MAPK6: variants seen among roughly 807,000 people sequenced by gnomAD.
MAPK6 encodes the protein ERK-3.
Under a neutral mutation model 59.3 loss-of-function variants are expected in MAPK6, and 19 were observed. The observed-to-expected ratio is 0.32, with a 90% CI of 0.22 to 0.47. MAPK6 has a LOEUF of 0.47. Ranked by LOEUF, MAPK6 falls within the 20% of genes least tolerant of loss-of-function variation. The pLI is 1.00. For missense variants in MAPK6, 724 were observed against 847.9 expected (o/e 0.85, Z 1.81); for synonymous variants, 316 against 290.3 (o/e 1.09, Z -0.90).
Position 51,977,582 on chromosome 15 carries a change from C to T in MAPK6, c.-879-5624C>T, listed in dbSNP as rs531276151. On this transcript the variant is annotated intron_variant, in intron 1 of 7. Coordinates refer to the MAPK6 transcript ENST00000691380. ...ACAAAGTCTCCCTCTGTCACCCAGG[C>T]TGGAGGTCAAGTGGTGTGATTACAG... is the stretch of plus-strand genomic sequence containing the variant. 4.1e-3 allele frequency among the ~76,000 whole-genome samples: 619 copies of T among 152,002 alleles called. 13 individuals carry two copies. The highest frequency in any genetic ancestry group is 7.0e-3 in the Non-Finnish European group (476 of 67,956).
chr15:52,008,507 G>A (rs1164583532), intron 3 of MAPK6, among the ~76,000 whole-genome samples: 1 of 152,170 alleles, frequency 6.6e-6, no homozygotes, highest in Non-Finnish European at 1.5e-5. Flanking sequence ...GTGCACATGG[G>A]TCATGGAGAA....
chr15:52,054,330 T>A (rs1359514997), intron 3 of MAPK6, among the ~76,000 whole-genome samples: 1 of 126,414 alleles, frequency 7.9e-6, no homozygotes, highest in Non-Finnish European at 1.6e-5. Flanking sequence ...ATCTTGCCAC[T>A]GCACTCCAGC....
intron 3 of MAPK6, among the ~76,000 whole-genome samples, chr15:52,006,719 G>A (rs1276277987): frequency 6.6e-6 from 1 of 152,124 alleles, no homozygotes; most frequent in African/African-American, 2.4e-5. Flanking sequence ...AGTTCTTCAA[G>A]CAGCAAATCT....
chr15:52,056,460 C>CTTAA (rs2031987072), intron 3 of MAPK6, among the ~76,000 whole-genome samples: 1 of 151,888 alleles, frequency 6.6e-6, no homozygotes, highest in Non-Finnish European at 1.5e-5. Context: ...CCTTGCTGCT[C>CTTAA]TTAATTCCTC....
rs754545662 is a variant in MAPK6, at chr15:52,046,826, C to T, written c.366C>T (p.Gly122=). ...ETDLANVLEQ[G]PLLEEHARLF... ...ACTTGGCTAATGTGCTGGAGCAGGG[C>T]CCTTTACTGGAAGAGCATGCCAGGC... Residue 122 remains glycine, a synonymous_variant, in exon 2 of 6, where the codon GGC becomes GGT. Transcript: ENST00000261845. The T allele has an allele frequency of 6.2e-7, 1 of 1,613,736 alleles. No individual in the cohort carries two copies. The highest frequency in any genetic ancestry group is 8.5e-7 in the Non-Finnish European group (1 of 1,179,814).
chr15:52,038,091 G>A (rs182512857), intron 1 of MAPK6, among the ~76,000 whole-genome samples: 15 of 151,916 alleles, frequency 9.9e-5, no homozygotes, highest in Admixed American at 9.8e-4. Flanking sequence ...ATGTTAGATA[G>A]GGAGGAATCC....
intron 1 of MAPK6, among the ~76,000 whole-genome samples, chr15:52,035,148 C>G (rs1047545382): frequency 1.3e-5 from 2 of 152,210 alleles, no homozygotes; most frequent in African/African-American, 2.4e-5. Flanking sequence ...TGCCCTAATT[C>G]TTTGACTCGG....
intron 1 of MAPK6, among the ~76,000 whole-genome samples, chr15:52,025,760 T>G (rs2030748521): frequency 6.6e-6 from 1 of 152,002 alleles, no homozygotes; most frequent in Non-Finnish European, 1.5e-5. Context: ...TGCACTCCAG[T>G]CTGGGTGACA....
At chr15:51,979,214 A>T (rs2057165908) in intron 1 of MAPK6, among the ~76,000 whole-genome samples, 1 of 119,700 alleles carries the variant, frequency 8.4e-6, no homozygotes, top group Admixed American at 9.2e-5. Flanking sequence ...GAAAGAAGAA[A>T]GAAAAAAAGA....
rs2032317061 is a variant in MAPK6, at chr15:52,064,169, C to T, written c.1335C>T (p.Asn445=). ...YCDLECSHTC[N]YKTRSSSYLD... ...ATCTGGAGTGTAGCCATACTTGTAA[C>T]TACAAAACGAGGTCATCATCATATT... is the stretch of plus-strand genomic sequence containing the variant. Residue 445 remains asparagine, a synonymous_variant, in exon 6 of 6, where the codon AAC becomes AAT. Transcript: ENST00000261845. 1.2e-6 allele frequency: 2 copies of T among 1,613,108 alleles called. No individual in the cohort carries two copies. The highest frequency in any genetic ancestry group is 1.7e-6 in the Non-Finnish European group (2 of 1,179,720).
At chr15:51,973,202 G>A (rs984812062) in intron 1 of MAPK6, among the ~76,000 whole-genome samples, 7 of 151,874 alleles carry the variant, frequency 4.6e-5, no homozygotes, top group Admixed American at 4.6e-4. Context: ...CAATCCTAGA[G>A]CTTTTGTGTA....
At chr15:52,040,466 G>A (rs751043615) in intron 1 of MAPK6, among the ~76,000 whole-genome samples, 9 of 152,232 alleles carry the variant, frequency 5.9e-5, no homozygotes, top group Admixed American at 3.3e-4. Flanking sequence ...CAGCAGAGCA[G>A]AAGGTTGAGG....
At chr15:51,982,628 A>G (rs1378120152) in intron 1 of MAPK6, among the ~76,000 whole-genome samples, 1 of 152,220 alleles carries the variant, frequency 6.6e-6, no homozygotes, top group Non-Finnish European at 1.5e-5. Context: ...GATAGCAATC[A>G]AAACACTTCT....
intron 1 of MAPK6, among the ~76,000 whole-genome samples, chr15:52,032,839 C>T (rs1334007101): frequency 1.3e-5 from 2 of 152,196 alleles, no homozygotes; most frequent in African/African-American, 2.4e-5. Flanking sequence ...CATGCGCCAC[C>T]ACACCCAGCT....
intron 3 of MAPK6, among the ~76,000 whole-genome samples, chr15:52,053,149 T>C (rs1386801070): frequency 1.4e-5 from 2 of 147,540 alleles, no homozygotes; most frequent in African/African-American, 5.0e-5. Flanking sequence ...CTTGGCTCAC[T>C]GCAACCACTG....
intron 1 of MAPK6, among the ~76,000 whole-genome samples, chr15:52,045,298 C>T (rs577914510): frequency 6.7e-4 from 102 of 152,284 alleles, no homozygotes; most frequent in African/African-American, 2.4e-3. Flanking sequence ...CTATCAGTCA[C>T]ATTAAATACC....
chr15:52,020,266 C>G (rs1800677441), intron 1 of MAPK6, among the ~76,000 whole-genome samples: 1 of 152,128 alleles, frequency 6.6e-6, no homozygotes, highest in African/African-American at 2.4e-5. Context: ...GAGTGTAGGA[C>G]CCAACCGGTT....
At chr15:52,048,147 TTTTA>T (rs1171782108) in intron 2 of MAPK6, among the ~76,000 whole-genome samples, 3 of 152,052 alleles carry the variant, frequency 2.0e-5, no homozygotes, top group African/African-American at 7.2e-5. Context: ...TTATTTTTAT[TTTTA>T]TTTATTTATT....
rs201911999 is a variant in MAPK6, at chr15:52,050,097, C to T, written c.660C>T (p.Cys220=). 7 of 1,611,658 alleles carry T rather than the reference C, an allele frequency of 4.3e-6. No homozygotes were observed. In the East Asian group the frequency reaches 1.3e-4, roughly 31 times the overall value. ...CCATTGACATGTGGGCTGCAGGCTGCATCTTTGCTGAAATGCTGACTGGTA... is the reference window on the plus strand; with the variant it reads ...CCATTGACATGTGGGCTGCAGGCTGTATCTTTGCTGAAATGCTGACTGGTA... ...TKAIDMWAAG[C]IFAEMLTGKT... The change falls in exon 3 of 6, where the codon TGC becomes TGT. Residue 220 remains cysteine (C), a synonymous_variant. Transcript: ENST00000261845.
Sources: gnomAD v4.1 joint callset for allele counts (sites outside exome capture counted in the v4.1 genomes callset) on GRCh38, gnomAD v4.1.1 for gene constraint, MANE v1.5 for transcripts, NCBI Gene and HGNC (gene_info 2026-07-23, HGNC 2026-07-21) for gene names.